Variants in ZNF609 observed in about 807,000 individuals in gnomAD.
The protein encoded by ZNF609 is zinc finger protein 609.
ZNF609 carries 11 observed loss-of-function variants against 109.5 expected under a neutral mutation model. That is an observed-to-expected ratio of 0.10 (90% CI 0.06 to 0.17). The LOEUF is 0.17. Among genes scored for constraint, ZNF609 ranks in the 10% least tolerant of loss-of-function variants. ZNF609 has a pLI of 1.00. For synonymous variants in ZNF609, 646 were observed against 662.0 expected, an observed-to-expected ratio of 0.98 and a Z score of 0.37; for missense variants, 1,559 against 1,772.4, an observed-to-expected ratio of 0.88 and a Z score of 2.16.
At chr15:64,648,263 A>T (rs1315035550) in intron 3 of ZNF609, among the ~76,000 whole-genome samples, 2 of 152,176 alleles carry the variant, frequency 1.3e-5, no homozygotes, top group Non-Finnish European at 2.9e-5. Flanking sequence ...AGACAGGAGG[A>T]TCGCTTGAGC....
chr15:64,600,843 G>T (rs1180858852), intron 2 of ZNF609, among the ~76,000 whole-genome samples: 1 of 152,046 alleles, frequency 6.6e-6, no homozygotes, highest in Non-Finnish European at 1.5e-5. Context: ...GGGTTTTGTT[G>T]GTCTGTTTTA....
rs1896789483 is a variant in ZNF609, at chr15:64,675,085, C to T, written c.2231C>T (p.Pro744Leu). The T allele has an allele frequency of 2.5e-6, 4 of 1,614,154 alleles. No homozygotes were observed. Among genetic ancestry groups the T allele is most frequent in the Non-Finnish European group, 3.4e-6 (4 of 1,180,032 alleles). ...KKESSKELES[P>L]LTPGKVCRAE... ...GAATCTTCAAAGGAACTTGAAAGTC[C>T]TCTGACCCCTGGGAAGGTGTGTCGA... Residue 744 changes from proline to leucine, a missense_variant, in exon 5 of 10, where the codon CCT (proline) becomes CTT (leucine). Coordinates refer to ENST00000326648, the MANE Select transcript of ZNF609 (RefSeq NM_015042.2).
chr15:64,472,757 G>A (rs1226059586), intron 1 of ZNF609, among the ~76,000 whole-genome samples: 1 of 152,062 alleles, frequency 6.6e-6, no homozygotes, highest in East Asian at 1.9e-4. Context: ...CATGGGAAGT[G>A]GATCACTTGA....
intron 3 of ZNF609, among the ~76,000 whole-genome samples, chr15:64,625,936 T>TATAGAG (rs1307358546): frequency 2.8e-4 from 22 of 79,578 alleles, no homozygotes; most frequent in African/African-American, 1.3e-3. Flanking sequence ...TATATATATA[T>TATAGAG]AGAGAGAGAG....
intron 3 of ZNF609, among the ~76,000 whole-genome samples, chr15:64,645,798 T>C (rs1391739551): frequency 1.3e-5 from 2 of 152,150 alleles, no homozygotes; most frequent in Non-Finnish European, 2.9e-5. Flanking sequence ...AATCATTAAT[T>C]ATAAGAGAAA....
At chr15:64,515,585 G>A (rs56076814) in intron 2 of ZNF609, among the ~76,000 whole-genome samples, 9,404 of 152,106 alleles carry the variant, frequency 0.062, 293 homozygotes, top group South Asian at 0.086. Flanking sequence ...GTAGGATAGA[G>A]GAGACTTAAA....
At chr15:64,617,509 G>A (rs762456227) in intron 2 of ZNF609, among the ~76,000 whole-genome samples, 11 of 151,508 alleles carry the variant, frequency 7.3e-5, no homozygotes, top group Non-Finnish European at 1.3e-4. Flanking sequence ...GAGAATTATC[G>A]CCAGGCATGT....
In ZNF609 at chr15:64,675,674, G is replaced by A; in HGVS notation, c.2820G>A (p.Lys940=). The A allele has an allele frequency of 1.2e-6, 2 of 1,614,046 alleles. No individual in the cohort carries two copies. Among genetic ancestry groups the A allele is most frequent in the Non-Finnish European group, 1.7e-6 (2 of 1,180,010 alleles). ...CTGAGAGCATAGAAGGGAAAGTGAA[G>A]AACGATATCTGTGAAGAAAAGAAGC... The part of the protein sequence containing the change: ...EEPESIEGKV[K]NDICEEKKPE... Residue 940 remains lysine, a synonymous_variant, in exon 5 of 10, where the codon AAG becomes AAA. Transcript: ENST00000326648.
chr15:64,579,812 A>G (rs1458672215), intron 2 of ZNF609, among the ~76,000 whole-genome samples: 2 of 152,230 alleles, frequency 1.3e-5, no homozygotes, highest in African/African-American at 4.8e-5. Flanking sequence ...CATATTATAA[A>G]TATTGCTTTA....
intron 8 of ZNF609, 128 bp from the exon 9 acceptor site, chr15:64,681,181 C>A: frequency 1.2e-6 from 1 of 820,682 alleles, no homozygotes; most frequent in Non-Finnish European, 2.0e-6. Context: ...GCCTTATTAT[C>A]TATCTCCAGC....
intron 4 of ZNF609, among the ~76,000 whole-genome samples, chr15:64,671,977 A>G (rs1896737432): frequency 7.1e-6 from 1 of 140,618 alleles, no homozygotes; most frequent in African/African-American, 2.6e-5. Context: ...ATTTTCAGAG[A>G]TGCTGGGCCA....
intron 2 of ZNF609, among the ~76,000 whole-genome samples, chr15:64,591,090 T>A (rs1009461518): frequency 6.6e-6 from 1 of 152,110 alleles, no homozygotes; most frequent in African/African-American, 2.4e-5. Context: ...TCCCAGCACT[T>A]TGGGAGGCTG....
chr15:64,481,715 T>G (rs759743989), intron 1 of ZNF609, among the ~76,000 whole-genome samples: 5 of 152,162 alleles, frequency 3.3e-5, no homozygotes, highest in Non-Finnish European at 7.3e-5. Flanking sequence ...ACCTAGAAAT[T>G]AGGTGAATAA....
chr15:64,552,118 A>C (rs577994893), intron 2 of ZNF609, among the ~76,000 whole-genome samples: 2 of 152,096 alleles, frequency 1.3e-5, no homozygotes, highest in Admixed American at 6.6e-5. Context: ...ATTTTCTTCC[A>C]GTCTGTGGCT....
intron 3 of ZNF609, among the ~76,000 whole-genome samples, chr15:64,665,107 A>G (rs1595757134): frequency 6.6e-6 from 1 of 152,206 alleles, no homozygotes; most frequent in South Asian, 2.1e-4. Context: ...ATTTAGCCTA[A>G]TTACTTCTTT....
Position 64,479,284 on chromosome 15 carries a change from A to ATTTTTTTTTT in ZNF609, c.-128+18462_-128+18471dup, listed in dbSNP as rs34496032. On this transcript the variant is annotated intron_variant, in intron 1 of 9. Transcript: ENST00000326648. ...AAAACCTATATATTGTACCTGTGTG[A>ATTTTTTTTTT]TTTTTTTTTTTTTTTTTTTTTTTTT... is the stretch of plus-strand genomic sequence containing the variant. Among the ~76,000 whole-genome samples the ATTTTTTTTTT allele has an allele frequency of 6.9e-5, 6 of 86,540 alleles. 1 individual carries two copies. The highest frequency in any genetic ancestry group is 5.9e-5 in the Non-Finnish European group (3 of 50,756). The allele number at this position is 86,540 out of a possible 152,430, so 56.8% of individuals were successfully genotyped here.
At chr15:64,623,886 C>T (rs1895913961) in intron 3 of ZNF609, among the ~76,000 whole-genome samples, 1 of 152,202 alleles carries the variant, frequency 6.6e-6, no homozygotes, top group Non-Finnish European at 1.5e-5. Flanking sequence ...GTCTGGGCCT[C>T]AGTCCCATCA....
chr15:64,539,627 C>T (rs1486139825), intron 2 of ZNF609, among the ~76,000 whole-genome samples: 1 of 152,196 alleles, frequency 6.6e-6, no homozygotes, highest in Non-Finnish European at 1.5e-5. Flanking sequence ...CCTCAGCCTT[C>T]GGAGTAGCTG....
In ZNF609 at chr15:64,499,510, G is replaced by A. The variant is rs1893528651; in HGVS notation, c.91G>A (p.Val31Ile). ...CAGTGGGGATGAATGGGACATTGGA[G>A]TAGGGAATCTCATCATTGACCTGGA... ...YDSGDEWDIG[V>I]GNLIIDLDAD... Residue 31 changes from valine to isoleucine, a missense_variant, in exon 2 of 10, where the codon GTA becomes ATA. Val to Ile is a conservative substitution (Grantham distance 29). This residue lies in a region of ZNF609 where 26 missense variants were observed against 58.4 expected (regional missense o/e 0.44). Coordinates refer to ENST00000326648, the MANE Select transcript of ZNF609 (RefSeq NM_015042.2). The A allele has an allele frequency of 6.2e-7, 1 of 1,614,026 alleles. No individual in the cohort carries two copies. The highest frequency in any genetic ancestry group is 8.5e-7 in the Non-Finnish European group (1 of 1,180,046).
Sources: allele counts gnomAD v4.1 joint callset (sites outside exome capture counted in the v4.1 genomes callset), GRCh38; gene constraint gnomAD v4.1.1; regional missense constraint gnomAD v4.1.1; transcripts MANE v1.5; gene names NCBI Gene and HGNC (gene_info 2026-07-23, HGNC 2026-07-21).